The following EIF2D variants were observed in gnomAD, a reference collection of about 807,000 sequenced individuals.
EIF2D encodes the protein hepatocellular carcinoma-associated antigen 56.
A neutral mutation model predicts 77.4 loss-of-function variants in EIF2D; 56 were observed. That is an observed-to-expected ratio of 0.72 (90% confidence interval 0.58 to 0.90). The LOEUF (loss-of-function observed/expected upper bound fraction) is 0.90, where lower values mean the gene tolerates loss of function less well. Among genes scored for constraint, EIF2D ranks in the 40% least tolerant of loss-of-function variants. The probability of loss-of-function intolerance (pLI) is 0.00; values close to 1 mark genes in which losing one functional copy is unlikely to be tolerated. For missense variants in EIF2D, 574 were observed against 706.5 expected (o/e 0.81, Z 2.13); for synonymous variants, 230 against 271.0 (o/e 0.85, Z 1.49).
intron 11 of EIF2D, among the ~76,000 whole-genome samples, chr1:206,597,622 G>A (rs782535557): frequency 3.9e-4 from 59 of 152,104 alleles, no homozygotes; most frequent in Non-Finnish European, 7.2e-4. Flanking sequence ...TTCAAGACCA[G>A]CCTGGCCAAC....
intron 1 of EIF2D, among the ~76,000 whole-genome samples, chr1:206,612,053 A>C (rs1322768958): frequency 6.6e-6 from 1 of 152,206 alleles, no homozygotes; most frequent in Non-Finnish European, 1.5e-5. Context: ...GTAAACTCTG[A>C]CTTAACTACG....
chr1:206,569,494 G>C (rs1193592097), downstream of EIF2D, among the ~76,000 whole-genome samples: 1 of 152,220 alleles, frequency 6.6e-6, no homozygotes, highest in Non-Finnish European at 1.5e-5. Context: ...ATCTGGACAA[G>C]GGAAGAAGCC....
chr1:206,595,545 G>C, intron 13 of EIF2D, 173 bp downstream of exon 13: 1 of 669,714 alleles, frequency 1.5e-6, no homozygotes, highest in Non-Finnish European at 2.3e-6. Flanking sequence ...AGCGGGGTCA[G>C]CTTTACCTGT....
chr1:206,582,499 T>C (rs1406901987), intron 2 of EIF2D, among the ~76,000 whole-genome samples: 14 of 152,204 alleles, frequency 9.2e-5, no homozygotes, highest in Non-Finnish European at 1.8e-4. Flanking sequence ...TACAGACTTC[T>C]GGTTTGTGAG....
intron 2 of EIF2D, 64 bp downstream of exon 2, chr1:206,611,120 A>G: frequency 6.9e-7 from 1 of 1,450,470 alleles, no homozygotes; most frequent in Non-Finnish European, 9.4e-7. Context: ...GAAGAAACAG[A>G]GAGAAGCAGA....
chr1:206,583,234 C>T (rs1553406732), intron 2 of EIF2D: 1 of 1,399,474 alleles, frequency 7.1e-7, no homozygotes, highest in Admixed American at 1.7e-5. Context: ...CTGAGAACTA[C>T]TACACATCCA....
intron 6 of EIF2D, 138 bp downstream of exon 6, chr1:206,602,813 C>G: frequency 1.6e-6 from 2 of 1,283,328 alleles, no homozygotes; most frequent in Non-Finnish European, 2.1e-6. Flanking sequence ...GGCTGCTGCG[C>G]CACCCTCACA....
In EIF2D at chr1:206,599,713, G is replaced by A. The variant is rs367959713; in HGVS notation, c.1052+20C>T. The A allele has an allele frequency of 1.2e-6, 2 of 1,613,940 alleles. No individual in the cohort carries two copies. The highest frequency in any genetic ancestry group is 1.7e-6 in the Non-Finnish European group (2 of 1,179,828). On this transcript the variant is annotated intron_variant, in intron 9 of 14. Coordinates refer to ENST00000271764, the MANE Select transcript of EIF2D (RefSeq NM_006893.3). The surrounding 1 kb of genome is among the most constrained non-coding windows in gnomAD (Gnocchi z 4.1). Reference sequence around the variant, plus strand: ...GCCCTGGGGCCAGCTGGGCTACAGTGACAGGCCCCCTGCACTCACCTCGGG... The same window carrying A: ...GCCCTGGGGCCAGCTGGGCTACAGTAACAGGCCCCCTGCACTCACCTCGGG...
At chr1:206,576,661 A>C (rs560861906) in intron 4 of EIF2D, among the ~76,000 whole-genome samples, 3 of 152,372 alleles carry the variant, frequency 2.0e-5, no homozygotes, top group African/African-American at 7.2e-5. Context: ...CAGAGGATGG[A>C]GAGATGGCTA....
Position 206,599,488 on chromosome 1 carries a change from G to A in EIF2D, c.1177C>T (p.Leu393=). 1 of 1,614,012 alleles carries A rather than the reference G, an allele frequency of 6.2e-7. No homozygotes were observed. Among genetic ancestry groups the A allele is most frequent in the Non-Finnish European group, 8.5e-7 (1 of 1,179,946 alleles). The change falls in exon 10 of 15, where the codon CTG becomes TTG. Residue 393 remains leucine (L), a synonymous_variant. Transcript: ENST00000271764. This position sits in a 1 kb window ranked among gnomAD's most constrained non-coding sequence, Gnocchi z 4.1. ...PLYCVPASMT[L]LFQESGHKKG... is the part of the protein sequence containing the mutation. ...TTGTGGCCAGACTCCTGGAAGAGCA[G>A]GGTCATGCTGGCTGGGACACAGTAG...
downstream of EIF2D, among the ~76,000 whole-genome samples, chr1:206,589,881 G>A (rs782221843): frequency 3.3e-5 from 5 of 152,148 alleles, no homozygotes; most frequent in Non-Finnish European, 5.9e-5. Context: ...ATGAATGAAT[G>A]TCCAACAAGC....
At chr1:206,611,798 C>A (rs1553414063) in intron 1 of EIF2D, among the ~76,000 whole-genome samples, 2 of 152,238 alleles carry the variant, frequency 1.3e-5, no homozygotes, top group Non-Finnish European at 2.9e-5. Context: ...CAAACACAAT[C>A]TCCATTTGTG....
Position 206,599,415 on chromosome 1 carries a change from G to A in EIF2D, c.1202+48C>T, listed in dbSNP as rs1418616239. 1 of 1,605,480 alleles carries A rather than the reference G, an allele frequency of 6.2e-7. No individual in the cohort carries two copies. Among genetic ancestry groups the A allele is most frequent in the Non-Finnish European group, 8.5e-7 (1 of 1,176,548 alleles). ...ACTACTCAGGTTGAGAGGAACTGTA[G>A]GCCAGAACACCAAGCAGGCAGAGAA... On this transcript the variant is annotated intron_variant, in intron 10 of 14. Coordinates refer to ENST00000271764, the MANE Select transcript of EIF2D (RefSeq NM_006893.3). This position sits in a 1 kb window ranked among gnomAD's most constrained non-coding sequence, Gnocchi z 4.1.
chr1:206,576,933 A>G (rs1401102324), intron 4 of EIF2D, among the ~76,000 whole-genome samples: 1 of 151,774 alleles, frequency 6.6e-6, no homozygotes, highest in African/African-American at 2.4e-5. Context: ...CCTCCTGAGT[A>G]GCTGGCACTA....
At chr1:206,582,821 G>A (rs1284004564) in intron 2 of EIF2D, among the ~76,000 whole-genome samples, 2 of 152,198 alleles carry the variant, frequency 1.3e-5, no homozygotes, top group Non-Finnish European at 2.9e-5. Flanking sequence ...TGTCCCTCCA[G>A]CTGTGTTGTT....
At chr1:206,583,493 C>A in intron 2 of EIF2D, 1 of 739,276 alleles carries the variant, frequency 1.4e-6, no homozygotes. Context: ...CCCTCCCTTT[C>A]CTCCGGCCTC....
downstream of EIF2D, chr1:206,586,841 A>G (rs781884773): frequency 3.7e-6 from 6 of 1,613,918 alleles, no homozygotes; most frequent in Non-Finnish European, 5.1e-6. Flanking sequence ...TGCCTTCTCC[A>G]TCCCTGAACT....
chr1:206,609,257 G>A (rs782070744), intron 3 of EIF2D, 119 bp downstream of exon 3: 10 of 936,152 alleles, frequency 1.1e-5, no homozygotes, highest in Admixed American at 8.9e-5. Flanking sequence ...AAAACACATA[G>A]GGGAAAAAAT....
At chr1:206,580,505 G>C (rs1407382560) in intron 4 of EIF2D, among the ~76,000 whole-genome samples, 5 of 152,200 alleles carry the variant, frequency 3.3e-5, no homozygotes, top group Admixed American at 3.3e-4. Context: ...TAGGGGTAGG[G>C]CCAGGGTCAG....
Sources: allele counts gnomAD v4.1 joint callset (sites outside exome capture counted in the v4.1 genomes callset), GRCh38; gene constraint gnomAD v4.1.1; non-coding constraint Gnocchi (gnomAD v3.1); transcripts MANE v1.5; gene names NCBI Gene and HGNC (gene_info 2026-07-23, HGNC 2026-07-21).